The following ZNF425 variants were observed in gnomAD, a reference collection of about 807,000 sequenced individuals.
ZNF425 encodes the protein zinc finger protein 425.
In ZNF425, 21 loss-of-function variants were observed where a neutral mutation model predicts 17.0. The ratio of observed to expected loss-of-function variants is 1.23; its 90% CI spans 0.88 to 1.78. The LOEUF (loss-of-function observed/expected upper bound fraction) is 1.78, where lower values mean the gene tolerates loss of function less well. ZNF425 is among the 40% of genes most tolerant of loss of function. The pLI is 0.00. For missense variants in ZNF425, 868 were observed against 967.3 expected, an observed-to-expected ratio of 0.90 and a Z score of 1.36; for synonymous variants, 433 against 384.1, an observed-to-expected ratio of 1.13 and a Z score of -1.49.
intron 1 of ZNF425, 163 bp downstream of exon 1, chr7:149,126,033 A>C: frequency 7.1e-7 from 1 of 1,408,314 alleles, no homozygotes; most frequent in Non-Finnish European, 9.8e-7. Flanking sequence ...ACACGCAGCA[A>C]GACTGCACCT....
At chr7:149,112,513 A>T (rs1423504697) in intron 2 of ZNF425, 1 of 415,136 alleles carries the variant, frequency 2.4e-6, no homozygotes, top group Non-Finnish European at 4.3e-6. Flanking sequence ...CACGCTTGTA[A>T]TACCAGCTAC....
chr7:149,105,673 T>A (rs1243123483), intron 3 of ZNF425, 107 bp from the exon 4 acceptor site: 1 of 739,844 alleles, frequency 1.4e-6, no homozygotes, highest in African/African-American at 1.8e-5. Flanking sequence ...TTTTTTGCGA[T>A]AGAGTCTCGC....
rs151128388 is a variant in ZNF425, at chr7:149,126,196, C to T, written c.18G>A (p.Ser6=). The change falls in exon 1 of 4, where the codon TCG becomes TCA. Residue 6 remains serine (S), a splice_region_variant and synonymous_variant. Transcript: ENST00000378061. The part of the protein sequence containing the change: MAEPA[S]VTVTFDDVAL... ...TGCATCCTCCACCGGCCCTTCTTAC[C>T]GAAGCCGGCTCGGCCATGGCGGTTC... The T allele has an allele frequency of 6.2e-7, 1 of 1,613,010 alleles. No individual in the cohort carries two copies. Among genetic ancestry groups the T allele is most frequent in the Non-Finnish European group, 8.5e-7 (1 of 1,179,638 alleles).
intron 3 of ZNF425, among the ~76,000 whole-genome samples, chr7:149,110,569 A>C (rs551354890): frequency 6.9e-5 from 10 of 145,938 alleles, no homozygotes; most frequent in South Asian, 4.2e-4. Flanking sequence ...CCATCTCACA[A>C]AAAAAAAAAA....
chr7:149,103,957 G>T lies in ZNF425; in HGVS notation c.1914C>A (p.Phe638Leu). The change falls in exon 4 of 4, where the codon TTC (phenylalanine) becomes TTA (leucine). Residue 638 changes from phenylalanine (F) to leucine (L), a missense_variant. By Grantham distance (22) the Phe-to-Leu change is conservative. Transcript: ENST00000378061. ...AACTTTTGCCGCACATCACACAAGA[G>T]AATGGCTTTTGGCCACTGTGCTGCA... ...HLLQHSGQKP[F>L]SCVMCGKSFT... The T allele has an allele frequency of 6.2e-7, 1 of 1,614,148 alleles. No individual in the cohort carries two copies. The highest frequency in any genetic ancestry group is 1.1e-5 in the South Asian group (1 of 91,090).
chr7:149,125,802 G>T, intron 1 of ZNF425: 1 of 365,714 alleles, frequency 2.7e-6, no homozygotes, highest in Admixed American at 4.4e-5. Context: ...GAGCTGGGCC[G>T]GTTCCCCCTC....
Position 149,103,649 on chromosome 7 carries a change from A to G in ZNF425, c.2222T>C (p.Ile741Thr), listed in dbSNP as rs775212391. ...GGGCTTCTCTTTGGCATGCACTGCA[A>G]TGTGGGTCTTGAGCGCCCCCACGTA... ...FTYVGALKTH[I>T]AVHAKEKPSS... The change falls in exon 4 of 4, where the codon ATT becomes ACT. Residue 741 changes from isoleucine (I) to threonine (T), a missense_variant. This residue lies in a region of ZNF425 where 437 missense variants were observed against 444.2 expected (regional missense o/e 0.98). Transcript: ENST00000378061. 44 of 1,612,806 alleles carry G rather than the reference A, an allele frequency of 2.7e-5. No individual in the cohort carries two copies. The highest frequency in any genetic ancestry group is 3.6e-5 in the Non-Finnish European group (42 of 1,179,574).
Position 149,110,427 on chromosome 7 carries a change from G to A in ZNF425, c.304+1710C>T, listed in dbSNP as rs930242222. On this transcript the variant is annotated intron_variant, in intron 3 of 3. Transcript: ENST00000378061. ...CTAAAAATATAAAAACTAGCCAGGC[G>A]TGGTTGTGGGTGCCTGTAATCCCAG... 9.2e-5 allele frequency among the ~76,000 whole-genome samples: 14 copies of A among 151,798 alleles called. No individual in the cohort carries two copies. The East Asian group carries it at 1.0e-3, about 11-fold the overall frequency.
chr7:149,121,766 C>T (rs1826357936), intron 1 of ZNF425, among the ~76,000 whole-genome samples: 1 of 152,170 alleles, frequency 6.6e-6, no homozygotes, highest in South Asian at 2.1e-4. Flanking sequence ...AATGTCACTA[C>T]TTTTAACTGT....
rs1476734141 is a variant in ZNF425 at position 149,105,585 on chromosome 7, T to G, written c.305-19A>C. The G allele has an allele frequency of 6.0e-6, 9 of 1,500,656 alleles. No homozygotes were observed. Among genetic ancestry groups the G allele is most frequent in the Non-Finnish European group, 6.2e-6 (7 of 1,130,684 alleles). The allele number at this position is 1,500,656 out of a possible 1,614,324, so 93.0% of individuals were successfully genotyped here. A position where few individuals can be genotyped will look rare whatever the true frequency, so the allele number is the denominator to read the frequency against. On this transcript the variant is annotated intron_variant, in intron 3 of 3. Transcript: ENST00000378061. ...TCGTCATCTGGAGCAGAAAGAAGTA[T>G]CACTCTCATCAGTGATATGTCTACC...
rs1043479357 is a variant in ZNF425 at position 149,104,246 on chromosome 7, G to A, written c.1625C>T (p.Thr542Ile). 4 of 1,613,502 alleles carry A rather than the reference G, an allele frequency of 2.5e-6. No homozygotes were observed. The highest frequency in any genetic ancestry group is 2.5e-6 in the Non-Finnish European group (3 of 1,179,844). The change falls in exon 4 of 4, where the codon ACA (threonine) becomes ATA (isoleucine). Residue 542 changes from threonine to isoleucine, a missense_variant. This residue lies in a region of ZNF425 where 437 missense variants were observed against 444.2 expected (regional missense o/e 0.98). Coordinates refer to ENST00000378061, the MANE Select transcript of ZNF425 (RefSeq NM_001001661.3). The surrounding 1 kb of genome is among the most constrained non-coding windows in gnomAD (Gnocchi z 4.3). ...GCCACTGTGAAGCCTCGTGTGCTCTGTGAGATGCGCGCGTCGGCGGAAACT... is the reference window on the plus strand; with the variant it reads ...GCCACTGTGAAGCCTCGTGTGCTCTATGAGATGCGCGCGTCGGCGGAAACT... ...GRSFRRRAHL[T>I]EHTRLHSGEE...
intron 1 of ZNF425, among the ~76,000 whole-genome samples, chr7:149,120,785 GC>G (rs1826337658): frequency 6.6e-6 from 1 of 152,156 alleles, no homozygotes; most frequent in African/African-American, 2.4e-5. Context: ...TTGTCGTTAA[GC>G]AACCCAGGAC....
intron 1 of ZNF425, among the ~76,000 whole-genome samples, chr7:149,122,479 C>A (rs1449574756): frequency 6.6e-6 from 1 of 151,886 alleles, no homozygotes; most frequent in Admixed American, 6.6e-5. Context: ...AATTTTGGCC[C>A]CAGTCCGTAT....
intron 3 of ZNF425, among the ~76,000 whole-genome samples, chr7:149,111,266 T>C (rs1283178818): frequency 2.7e-5 from 4 of 150,834 alleles, no homozygotes; most frequent in African/African-American, 9.7e-5. Context: ...CTGGCCAATA[T>C]GGCGAAACAC....
In ZNF425 at chr7:149,104,438, C is replaced by T. The variant is rs1346925170; in HGVS notation, c.1433G>A (p.Arg478His). The T allele has an allele frequency of 3.1e-6, 5 of 1,601,286 alleles. No homozygotes were observed. Among genetic ancestry groups the T allele is most frequent in the Admixed American group, 1.7e-5 (1 of 58,642 alleles). Residue 478 changes from arginine (R) to histidine (H), a missense_variant, in exon 4 of 4, where the codon CGC (arginine) becomes CAC (histidine). Coordinates refer to ENST00000378061, the MANE Select transcript of ZNF425 (RefSeq NM_001001661.3). This position sits in a 1 kb window ranked among gnomAD's most constrained non-coding sequence, Gnocchi z 4.3. Reference protein sequence around the residue: ...KPFPCAECGKRFTRPSKLACH... With the variant: ...KPFPCAECGKHFTRPSKLACH... ...GGCGAGCTTGGAAGGCCGCGTGAAGCGCTTGCCGCACTCGGCGCAGGGGAA... is the reference window on the plus strand; with the variant it reads ...GGCGAGCTTGGAAGGCCGCGTGAAGTGCTTGCCGCACTCGGCGCAGGGGAA...
intron 1 of ZNF425, chr7:149,118,796 C>T (rs537640355): frequency 6.8e-5 from 13 of 192,510 alleles, no homozygotes; most frequent in African/African-American, 2.6e-4. Flanking sequence ...GCCTGGGCTA[C>T]AGAGTGAGCC....
intron 3 of ZNF425, among the ~76,000 whole-genome samples, chr7:149,110,939 C>T (rs1360381293): frequency 6.6e-6 from 1 of 151,662 alleles, no homozygotes; most frequent in Non-Finnish European, 1.5e-5. Context: ...GGATTACAGG[C>T]ATGCGCCAAC....
chr7:149,119,731 T>C (rs981640375), intron 1 of ZNF425, among the ~76,000 whole-genome samples: 2 of 152,134 alleles, frequency 1.3e-5, no homozygotes, highest in Admixed American at 1.3e-4. Context: ...CTGAGCAACA[T>C]AGCAAGACCT....
chr7:149,105,449 G>A lies in ZNF425; in HGVS notation c.422C>T (p.Ala141Val). The A allele has an allele frequency of 3.9e-6, 6 of 1,536,450 alleles. No individual in the cohort carries two copies. The highest frequency in any genetic ancestry group is 5.2e-6 in the Non-Finnish European group (6 of 1,147,530). ...KERKILLAQT[A>V]TFQSPSLRET... ...TCGGAGACTTGGAGACTGGAAGGTG[G>A]CTGTTTGAGCTAATAAAATCTTTCT... The change falls in exon 4 of 4, where the codon GCC becomes GTC. Residue 141 changes from alanine (A) to valine (V), a missense_variant. Physicochemically the swap from Ala to Val is moderately conservative, Grantham distance 64 (BLOSUM62 0). Around this residue, in one of 5 missense-constraint regions of ZNF425, gnomAD observed 179 missense variants for 216.3 expected, o/e 0.83. Transcript: ENST00000378061.
Sources: allele counts gnomAD v4.1 joint callset (sites outside exome capture counted in the v4.1 genomes callset), GRCh38; gene constraint gnomAD v4.1.1; regional missense constraint gnomAD v4.1.1; non-coding constraint Gnocchi (gnomAD v3.1); transcripts MANE v1.5; gene names NCBI Gene and HGNC (gene_info 2026-07-23, HGNC 2026-07-21).